SEM1: variants seen among roughly 807,000 people sequenced by gnomAD.
SEM1 encodes the protein SEM1 26S proteasome subunit, also known as 26S proteasome complex subunit SEM1.
Under a neutral mutation model 12.7 loss-of-function variants are expected in SEM1, and 3 were observed. The ratio of observed to expected loss-of-function variants is 0.24; its 90% CI spans 0.11 to 0.61. SEM1 has a LOEUF of 0.61. Among genes scored for constraint, SEM1 ranks in the 20% least tolerant of loss-of-function variants. The pLI is 0.88. For missense variants in SEM1, 59 were observed against 81.3 expected (o/e 0.73, Z 1.06); for synonymous variants, 30 against 27.8 (o/e 1.08, Z -0.25).
chr7:96,628,300 T>C (rs1808136837), intron 2 of SEM1, among the ~76,000 whole-genome samples: 1 of 152,160 alleles, frequency 6.6e-6, no homozygotes. Flanking sequence ...CTGGTTGTTT[T>C]GTGGCCTTCT....
At chr7:96,603,714 A>G (rs1033470238) in intron 2 of SEM1, among the ~76,000 whole-genome samples, 3 of 152,146 alleles carry the variant, frequency 2.0e-5, no homozygotes, top group African/African-American at 7.2e-5. Flanking sequence ...TCACCAAGTG[A>G]AATCTCTCCC....
chr7:96,531,776 G>A (rs1442280645), intron 2 of SEM1, among the ~76,000 whole-genome samples: 1 of 152,000 alleles, frequency 6.6e-6, no homozygotes, highest in African/African-American at 2.4e-5. Flanking sequence ...TAGTTAATAT[G>A]GCAAGAATCT....
chr7:96,691,131 ACTAC>A (rs755559357), intron 2 of SEM1, among the ~76,000 whole-genome samples: 3 of 152,166 alleles, frequency 2.0e-5, no homozygotes, highest in Admixed American at 1.3e-4. Flanking sequence ...AAATCATACT[ACTAC>A]CTATTTCTCT....
chr7:96,527,196 G>T (rs996093593), intron 2 of SEM1, among the ~76,000 whole-genome samples: 3 of 152,064 alleles, frequency 2.0e-5, no homozygotes, highest in Non-Finnish European at 4.4e-5. Context: ...GGAGGATGGC[G>T]GAGGGAAAGG....
Position 96,688,837 on chromosome 7 carries a change from A to T in SEM1, c.*87T>A, listed in dbSNP as rs997162670. ...TCCAAGCAGATAATGAAATAAACAC[A>T]TTTTTTTAGTGTCCCATCCTGGGTT... On this transcript the variant is annotated 3_prime_UTR_variant, in exon 3 of 3. Coordinates refer to ENST00000248566, the MANE Select transcript of SEM1 (RefSeq NM_006304.2). 1.1e-5 allele frequency: 8 copies of T among 754,668 alleles called. No individual in the cohort carries two copies. The highest frequency in any genetic ancestry group is 5.4e-5 in the African/African-American group (3 of 55,074). 46.7% of individuals were successfully genotyped at this position (754,668 alleles called of 1,614,324 possible). A position where few individuals can be genotyped will look rare whatever the true frequency, so the allele number is the denominator to read the frequency against.
rs142533484 is a variant in SEM1, at chr7:96,623,365, A to G, written c.171-722T>C. On this transcript the variant is annotated intron_variant, in intron 2 of 2. Coordinates refer to the SEM1 transcript ENST00000417009. The stretch of plus-strand genomic sequence containing the variant: ...TGTAGAACATCACCTTCATAATTGC[A>G]TAACTGCATGAGCCAATTCTTTATA... Among the ~76,000 whole-genome samples, 16 of 151,840 alleles carry G rather than the reference A, an allele frequency of 1.1e-4. No individual in the cohort carries two copies. In the East Asian group the frequency reaches 2.9e-3, roughly 27 times the overall value.
chr7:96,643,124 C>T (rs911542401), intron 2 of SEM1, among the ~76,000 whole-genome samples: 3 of 152,008 alleles, frequency 2.0e-5, no homozygotes, highest in Non-Finnish European at 2.9e-5. Context: ...TCCAATAGGT[C>T]CCAGTGTGTG....
chr7:96,495,681 G>A (rs1046119548), intron 1 of SEM1, among the ~76,000 whole-genome samples: 1 of 152,014 alleles, frequency 6.6e-6, no homozygotes, highest in African/African-American at 2.4e-5. Flanking sequence ...CAGTTTCCGC[G>A]ATCTTCCTTT....
At chr7:96,497,146 A>T (rs545534865), upstream of SEM1, among the ~76,000 whole-genome samples, 38 of 152,248 alleles carry the variant, frequency 2.5e-4, no homozygotes, top group African/African-American at 8.4e-4. Context: ...GGAGGATCTT[A>T]ATACTTTAAC....
At chr7:96,572,199 T>A (rs576909497) in intron 2 of SEM1, among the ~76,000 whole-genome samples, 17 of 152,274 alleles carry the variant, frequency 1.1e-4, no homozygotes, top group African/African-American at 3.9e-4. Context: ...TGGCTAACCA[T>A]CTATCTGTTG....
intron 2 of SEM1, among the ~76,000 whole-genome samples, chr7:96,533,901 G>GA (rs950865659): frequency 6.6e-5 from 10 of 150,654 alleles, no homozygotes; most frequent in Middle Eastern, 3.4e-3. Flanking sequence ...GTACTCACAG[G>GA]AAAAAAAAAT....
chr7:96,685,646 A>C (rs540164174), downstream of SEM1, among the ~76,000 whole-genome samples: 1 of 152,190 alleles, frequency 6.6e-6, no homozygotes, highest in Admixed American at 6.6e-5. Flanking sequence ...TGAAATGTAC[A>C]TGATAACATT....
chr7:96,536,446 C>T (rs1478098598), intron 2 of SEM1, among the ~76,000 whole-genome samples: 1 of 151,782 alleles, frequency 6.6e-6, no homozygotes, highest in Non-Finnish European at 1.5e-5. Context: ...ATGGATCATG[C>T]TGGTCAGGTC....
At chr7:96,551,790 T>C (rs1392228619) in intron 2 of SEM1, among the ~76,000 whole-genome samples, 2 of 151,274 alleles carry the variant, frequency 1.3e-5, no homozygotes, top group African/African-American at 4.9e-5. Flanking sequence ...GTTGCAGTTA[T>C]AAGCTAAGGA....
At chr7:96,654,416 T>C (rs1178098867) in intron 2 of SEM1, among the ~76,000 whole-genome samples, 2 of 152,200 alleles carry the variant, frequency 1.3e-5, no homozygotes. Context: ...AACTTATGGT[T>C]TTCCAGCATT....
At chr7:96,599,236 A>AT (rs1807111717) in intron 2 of SEM1, among the ~76,000 whole-genome samples, 1 of 152,050 alleles carries the variant, frequency 6.6e-6, no homozygotes, top group East Asian at 1.9e-4. Flanking sequence ...ATGAACAAGT[A>AT]TTTTTTGCCT....
intron 2 of SEM1, among the ~76,000 whole-genome samples, chr7:96,514,917 T>G (rs1398518931): frequency 1.3e-5 from 2 of 151,990 alleles, no homozygotes; most frequent in African/African-American, 4.8e-5. Context: ...ACTGTAAAAT[T>G]TATATGGAAA....
chr7:96,643,436 G>T (rs1808680478), intron 2 of SEM1, among the ~76,000 whole-genome samples: 1 of 152,010 alleles, frequency 6.6e-6, no homozygotes, highest in African/African-American at 2.4e-5. Flanking sequence ...TGCCATGGTG[G>T]TTTGCTACAC....
intron 2 of SEM1, among the ~76,000 whole-genome samples, chr7:96,604,170 T>G (rs2116204443): frequency 6.6e-6 from 1 of 152,266 alleles, no homozygotes; most frequent in East Asian, 1.9e-4. Flanking sequence ...TATTGACCAT[T>G]CTGCACTTTC....
Sources: gnomAD v4.1 joint callset for allele counts (sites outside exome capture counted in the v4.1 genomes callset) on GRCh38, gnomAD v4.1.1 for gene constraint, MANE v1.5 for transcripts, NCBI Gene and HGNC (gene_info 2026-07-23, HGNC 2026-07-21) for gene names.